Variants in AXIN1 observed in about 807,000 individuals in gnomAD.
The protein encoded by AXIN1 is axin-1.
In AXIN1, 30 loss-of-function variants were observed where a neutral mutation model predicts 76.4. That is an observed-to-expected ratio of 0.39 (90% CI 0.29 to 0.53). AXIN1 has a LOEUF of 0.53. Ranked by LOEUF, AXIN1 falls within the 20% of genes least tolerant of loss-of-function variation. The pLI is 0.66. For synonymous variants in AXIN1, 545 were observed against 501.4 expected, an observed-to-expected ratio of 1.09 and a Z score of -1.16; for missense variants, 1,140 against 1,198.8, an observed-to-expected ratio of 0.95 and a Z score of 0.72.
intron 4 of AXIN1, among the ~76,000 whole-genome samples, chr16:306,108 C>A (rs1267012451): frequency 6.6e-6 from 1 of 152,154 alleles, no homozygotes; most frequent in Non-Finnish European, 1.5e-5. Context: ...CCCTTACCGG[C>A]AGGCACATGC....
chr16:340,154 A>G (rs1228792132), intron 2 of AXIN1, among the ~76,000 whole-genome samples: 1 of 152,052 alleles, frequency 6.6e-6, no homozygotes. Context: ...CCCCTGCGGG[A>G]ACCTGAACGG....
At position 298,007 on chromosome 16, in the gene AXIN1, G is replaced by A. The variant is rs2141512929; in HGVS notation, c.1499C>T (p.Ala500Val). 1 of 1,598,740 alleles carries A rather than the reference G, an allele frequency of 6.3e-7. No individual in the cohort carries two copies. Among genetic ancestry groups the A allele is most frequent in the Non-Finnish European group, 8.5e-7 (1 of 1,177,780 alleles). The change falls in exon 6 of 11, where the codon GCC (alanine) becomes GTC (valine). Residue 500 changes from alanine to valine, a missense_variant. Physicochemically the swap from Ala to Val is moderately conservative, Grantham distance 64. Transcript: ENST00000262320. ...ACCCCCCAGTGCCACTGGCATCTTG[G>A]CCACGTGCCCACTGTCCGGGGAGCG... ...GHRSPDSGHVAKMPVALGGAA... is the reference protein window; with the variant it reads ...GHRSPDSGHVVKMPVALGGAA...
intron 1 of AXIN1, among the ~76,000 whole-genome samples, chr16:349,989 A>T (rs1322570206): frequency 6.6e-6 from 1 of 152,132 alleles, no homozygotes; most frequent in Non-Finnish European, 1.5e-5. Flanking sequence ...GGGTTTCACC[A>T]CGTTGGCCAG....
chr16:330,602 A>G (rs917230050), intron 2 of AXIN1, among the ~76,000 whole-genome samples: 2 of 152,224 alleles, frequency 1.3e-5, no homozygotes, highest in African/African-American at 4.8e-5. Context: ...CATTTCTTCA[A>G]TGTCACAAAA....
chr16:320,038 C>T (rs2053403607), intron 2 of AXIN1, among the ~76,000 whole-genome samples: 1 of 152,080 alleles, frequency 6.6e-6, no homozygotes, highest in Non-Finnish European at 1.5e-5. Context: ...TGTCTCAATC[C>T]CACACATCAC....
chr16:307,070 G>A (rs555908997), intron 4 of AXIN1, among the ~76,000 whole-genome samples: 7 of 152,370 alleles, frequency 4.6e-5, no homozygotes, highest in African/African-American at 1.4e-4. Context: ...CACAGGAATG[G>A]GAGCTGCCAG....
chr16:289,899 C>G, intron 9 of AXIN1: 1 of 533,352 alleles, frequency 1.9e-6, no homozygotes, highest in Non-Finnish European at 3.4e-6. Flanking sequence ...GCTCCCACCT[C>G]TAGGATGGCA....
At chr16:288,298 G>A (rs2141461091) in intron 10 of AXIN1, 50 bp from the exon 11 acceptor site, 1 of 1,612,342 alleles carries the variant, frequency 6.2e-7, no homozygotes, top group Non-Finnish European at 8.5e-7. Context: ...CCGCAGATGG[G>A]AAGGAGGCCT....
chr16:325,731 A>G (rs780542086), intron 2 of AXIN1, among the ~76,000 whole-genome samples: 4 of 152,208 alleles, frequency 2.6e-5, no homozygotes, highest in Non-Finnish European at 5.9e-5. Context: ...AGAAGAGAGG[A>G]GAGCCATTCC....
intron 2 of AXIN1, among the ~76,000 whole-genome samples, chr16:317,175 G>A (rs1197517028): frequency 1.3e-5 from 2 of 152,278 alleles, no homozygotes; most frequent in South Asian, 2.1e-4. Context: ...AGATGGGAGG[G>A]GGGCAGGCAG....
chr16:317,704 T>C (rs1234951654), intron 2 of AXIN1, among the ~76,000 whole-genome samples: 2 of 152,254 alleles, frequency 1.3e-5, no homozygotes, highest in Non-Finnish European at 2.9e-5. Flanking sequence ...GATACCAGCC[T>C]GCAGCTTCAG....
chr16:331,805 C>CT, intron 2 of AXIN1, among the ~76,000 whole-genome samples: 1 of 152,366 alleles, frequency 6.6e-6, no homozygotes. Context: ...AAGCCTGACA[C>CT]TGCATGAGGG....
chr16:293,309 A>C lies in AXIN1; in HGVS notation c.2186+179T>G, dbSNP rs1019243821. ...TCCAGCCCCAGCCTCCGTCCACCGCAGGGTGGCCTGCCACGTGGCCCCTCA... is the reference window on the plus strand; with the variant it reads ...TCCAGCCCCAGCCTCCGTCCACCGCCGGGTGGCCTGCCACGTGGCCCCTCA... On this transcript the variant is annotated intron_variant, in intron 8 of 10. Coordinates refer to ENST00000262320, the MANE Select transcript of AXIN1 (RefSeq NM_003502.4). The surrounding 1 kb of genome is among the most constrained non-coding windows in gnomAD (Gnocchi z 4.6). 3 of 657,324 alleles carry C rather than the reference A, an allele frequency of 4.6e-6. No homozygotes were observed. Among genetic ancestry groups the C allele is most frequent in the Non-Finnish European group, 7.8e-6 (3 of 384,814 alleles). The allele number at this position is 657,324 out of a possible 1,614,324, so 40.7% of individuals were successfully genotyped here. A position where few individuals can be genotyped will look rare whatever the true frequency, so the allele number is the denominator to read the frequency against.
At chr16:310,158 TCAG>T (rs2053138155) in intron 3 of AXIN1, 89 bp from the exon 4 acceptor site, 1 of 1,242,952 alleles carries the variant, frequency 8.0e-7, no homozygotes, top group African/African-American at 1.5e-5. Flanking sequence ...CGACCGCCGG[TCAG>T]CAGGCAATGA....
At position 304,291 on chromosome 16, in the gene AXIN1, G is replaced by A. The variant is rs1043509887; in HGVS notation, c.1254+13C>T. The A allele has an allele frequency of 1.9e-5, 31 of 1,610,626 alleles. No homozygotes were observed. Among genetic ancestry groups the A allele is most frequent in the East Asian group, 2.2e-5 (1 of 44,868 alleles). On this transcript the variant is annotated intron_variant, in intron 5 of 10. Transcript: ENST00000262320. ...CACCGACGCGGAGCGCGACACCGAC[G>A]CGGCCCACTCACCATGCGCACGCGC...
intron 2 of AXIN1, among the ~76,000 whole-genome samples, chr16:342,331 AG>A (rs1435626626): frequency 2.0e-5 from 3 of 152,166 alleles, no homozygotes; most frequent in Admixed American, 2.0e-4. Context: ...ACTCACGGCA[AG>A]GGTCCGCGGC....
rs1239206482 is a variant in AXIN1, at chr16:287,719, T to TGCAGGCCTCTGCATCCGGGCCTGGGCCCC, written c.*374_*402dup. Reference sequence around the variant, plus strand: ...TGGCGCGTACAATTGACAGAGGCCCTGCAGGCCTCTGCATCCGGGCCTGGG... The same window carrying TGCAGGCCTCTGCATCCGGGCCTGGGCCCC: ...TGGCGCGTACAATTGACAGAGGCCCTGCAGGCCTCTGCATCCGGGCCTGGGCCCCGCAGGCCTCTGCATCCGGGCCTGGG... On this transcript the variant is annotated 3_prime_UTR_variant, in exon 11 of 11. Transcript: ENST00000262320. 2.6e-6 allele frequency: 1 copy of TGCAGGCCTCTGCATCCGGGCCTGGGCCCC among 385,136 alleles called. No homozygotes were observed. Among genetic ancestry groups the TGCAGGCCTCTGCATCCGGGCCTGGGCCCC allele is most frequent in the East Asian group, 4.4e-5 (1 of 22,618 alleles). The allele number at this position is 385,136 out of a possible 1,614,324, so 23.9% of individuals were successfully genotyped here.
intron 2 of AXIN1, among the ~76,000 whole-genome samples, chr16:341,669 C>CCGGTG (rs202233812): frequency 0.054 from 8,172 of 152,318 alleles, 577 homozygotes; most frequent in African/African-American, 0.16. Context: ...ACCTGCAACC[C>CCGGTG]CGGTGCGGGA....
At chr16:347,381 A>C (rs1354535800) in intron 1 of AXIN1, among the ~76,000 whole-genome samples, 1 of 152,230 alleles carries the variant, frequency 6.6e-6, no homozygotes, top group Non-Finnish European at 1.5e-5. Context: ...CTCACTGCAC[A>C]AACATCACGG....
Sources: gnomAD v4.1 joint callset for allele counts (sites outside exome capture counted in the v4.1 genomes callset) on GRCh38, gnomAD v4.1.1 for gene constraint, Gnocchi (gnomAD v3.1) non-coding constraint, MANE v1.5 for transcripts, NCBI Gene and HGNC (gene_info 2026-07-23, HGNC 2026-07-21) for gene names.